The following DOCK9 variants were observed in gnomAD, a reference collection of about 807,000 sequenced individuals.
DOCK9 encodes dedicator of cytokinesis protein 9.
A neutral mutation model predicts 263.3 loss-of-function variants in DOCK9; 89 were observed. The observed-to-expected ratio is 0.34, with a 90% CI of 0.28 to 0.40. DOCK9 has a LOEUF of 0.40. Ranked by LOEUF, DOCK9 falls within the 10% of genes least tolerant of loss-of-function variation. The probability of loss-of-function intolerance (pLI) is 1.00; values close to 1 mark genes in which losing one functional copy is unlikely to be tolerated. For missense variants in DOCK9, 2,140 were observed against 2,603.4 expected, an observed-to-expected ratio of 0.82 and a Z score of 3.87; for synonymous variants, 976 against 973.1, an observed-to-expected ratio of 1.00 and a Z score of -0.06.
intron 1 of DOCK9, among the ~76,000 whole-genome samples, chr13:99,066,539 T>C (rs748548828): frequency 1.3e-5 from 2 of 152,176 alleles, no homozygotes; most frequent in South Asian, 2.1e-4. Context: ...AATATGTTAA[T>C]ATACTATATT....
intron 2 of DOCK9, chr13:98,949,581 C>T: frequency 1.2e-5 from 2 of 166,244 alleles, no homozygotes; most frequent in South Asian, 3.2e-4. Context: ...ACATCACCTA[C>T]TGTCTTTTCT....
At chr13:99,055,753 A>T (rs1293595249) in intron 1 of DOCK9, among the ~76,000 whole-genome samples, 1 of 151,970 alleles carries the variant, frequency 6.6e-6, no homozygotes, top group Admixed American at 6.6e-5. Flanking sequence ...GGTTCCTAAC[A>T]GCTGTGCCTA....
At chr13:98,978,128 GGGA>G (rs1424801538), upstream of DOCK9, 1 of 1,369,986 alleles carries the variant, frequency 7.3e-7, no homozygotes, top group Non-Finnish European at 9.4e-7. Flanking sequence ...CATGCAAAAG[GGGA>G]GGCTCCTACT....
At position 98,805,024 on chromosome 13, in the gene DOCK9, C is replaced by A. The variant is rs1228325292; in HGVS notation, c.5700G>T (p.Gln1900His). 6.2e-7 allele frequency: 1 copy of A among 1,608,840 alleles called. No homozygotes were observed. Among genetic ancestry groups the A allele is most frequent in the Non-Finnish European group, 8.5e-7 (1 of 1,177,734 alleles). Residue 1900 changes from glutamine (Q) to histidine (H), a missense_variant, in exon 49 of 53, where the codon CAG (glutamine) becomes CAT (histidine). By Grantham distance (24) the Gln-to-His change is conservative. Coordinates refer to ENST00000682017, the MANE Select transcript of DOCK9 (RefSeq NM_001366683.2). Reference protein sequence around the residue: ...TGKRQGGVEEQCKRRTILTAI... With the variant: ...TGKRQGGVEEHCKRRTILTAI... Reference sequence around the variant, plus strand: ...CTGTCAGGATGGTGCGCCGTTTGCACTGCTCTTCCACCCCGCCCTGCCTCT... The same window carrying A: ...CTGTCAGGATGGTGCGCCGTTTGCAATGCTCTTCCACCCCGCCCTGCCTCT...
In DOCK9 at chr13:98,951,582, C is replaced by T. The variant is rs978674368; in HGVS notation, c.243+3853G>A. Among the ~76,000 whole-genome samples, 45 of 152,302 alleles carry T rather than the reference C, an allele frequency of 3.0e-4. 1 individual carries two copies. Among genetic ancestry groups the T allele is most frequent in the African/African-American group, 1.0e-3 (43 of 41,560 alleles). ...AGTAGGTCGTGAACAGCCAAGACCA[C>T]ATACTCAAGTGTTTATGTGCACGGT... On this transcript the variant is annotated intron_variant, in intron 2 of 52. Coordinates refer to ENST00000682017, the MANE Select transcript of DOCK9 (RefSeq NM_001366683.2).
chr13:98,885,029 G>A lies in DOCK9; in HGVS notation c.2324C>T (p.Pro775Leu), dbSNP rs548853031. The change falls in exon 21 of 53, where the codon CCG (proline) becomes CTG (leucine). Residue 775 changes from proline to leucine, a missense_variant. By Grantham distance (98) the Pro-to-Leu change is moderately conservative. Around this residue, in one of 2 missense-constraint regions of DOCK9, gnomAD observed 1,521 missense variants for 1,741.7 expected, o/e 0.87. Transcript: ENST00000682017. The stretch of plus-strand genomic sequence containing the variant: ...GCCCGAAGGAAGGTTCGCCGAGACC[G>A]GGATGTGCTGCTCGCTTGTCACCAC... ...GRVVTSEQHI[P>L]VSANLPSGYL... 670 of 1,613,662 alleles carry A rather than the reference G, an allele frequency of 4.2e-4. 9 individuals are homozygous for A. In the South Asian group the frequency reaches 6.6e-3, roughly 16 times the overall value.
At chr13:98,928,695 T>C (rs898005643) in intron 3 of DOCK9, among the ~76,000 whole-genome samples, 2 of 152,258 alleles carry the variant, frequency 1.3e-5, no homozygotes. Flanking sequence ...ATGGTGACAG[T>C]AGCCATAGGC....
At chr13:99,021,107 A>G (rs1233097720) in intron 1 of DOCK9, among the ~76,000 whole-genome samples, 2 of 152,214 alleles carry the variant, frequency 1.3e-5, no homozygotes, top group Non-Finnish European at 2.9e-5. Context: ...ATAACCAATC[A>G]ATATAATCAA....
Position 98,989,343 on chromosome 13 carries a change from GATGATAATA to G in DOCK9, c.130-33801_130-33793del, listed in dbSNP as rs746947990. On this transcript the variant is annotated intron_variant, in intron 1 of 32. Transcript: ENST00000427887. The stretch of plus-strand genomic sequence containing the variant: ...TGATGATGATGATGATGATGATGAT[GATGATAATA>G]ATAATAATAATAATAATAATAATAA... Among the ~76,000 whole-genome samples, 846 of 121,218 alleles carry G rather than the reference GATGATAATA, an allele frequency of 7.0e-3. 4 individuals are homozygous for G. The highest frequency in any genetic ancestry group is 0.011 in the Non-Finnish European group (614 of 56,782). The allele number at this position is 121,218 out of a possible 152,430, so 79.5% of individuals were successfully genotyped here.
chr13:99,052,708 C>T (rs2040752580), intron 1 of DOCK9, among the ~76,000 whole-genome samples: 1 of 151,920 alleles, frequency 6.6e-6, no homozygotes, highest in Non-Finnish European at 1.5e-5. Context: ...TCAAGTGGTC[C>T]TCCTACGTCA....
chr13:99,073,971 T>C (rs1234996977), intron 1 of DOCK9, among the ~76,000 whole-genome samples: 1 of 152,220 alleles, frequency 6.6e-6, no homozygotes, highest in African/African-American at 2.4e-5. Flanking sequence ...TCCTTCACAT[T>C]CCTTTTGCTT....
chr13:98,810,694 A>G (rs968058773), intron 45 of DOCK9, among the ~76,000 whole-genome samples: 1 of 152,186 alleles, frequency 6.6e-6, no homozygotes, highest in African/African-American at 2.4e-5. Flanking sequence ...CTTACTAAGC[A>G]TGATTTTAAC....
At position 98,853,435 on chromosome 13, in the gene DOCK9, G is replaced by A; in HGVS notation, c.3919C>T (p.Leu1307Phe). 1 of 1,612,194 alleles carries A rather than the reference G, an allele frequency of 6.2e-7. No individual in the cohort carries two copies. The highest frequency in any genetic ancestry group is 8.5e-7 in the Non-Finnish European group (1 of 1,179,114). Reference sequence around the variant, plus strand: ...TCAGACATGCTCTTTAAGATGTAGAGGAAACACATCAGTAGGCTCTTAATC... The same window carrying A: ...TCAGACATGCTCTTTAAGATGTAGAAGAAACACATCAGTAGGCTCTTAATC... ...SEIKSLLMCF[L>F]YILKSMSDDA... The change falls in exon 35 of 53, where the codon CTC (leucine) becomes TTC (phenylalanine). Residue 1307 changes from leucine to phenylalanine, a missense_variant. Coordinates refer to ENST00000682017, the MANE Select transcript of DOCK9 (RefSeq NM_001366683.2).
intron 10 of DOCK9, among the ~76,000 whole-genome samples, chr13:98,903,623 A>C (rs1450534405): frequency 4.7e-5 from 1 of 21,340 alleles, no homozygotes; most frequent in Non-Finnish European, 1.3e-4. Flanking sequence ...AAAAAAAGAC[A>C]AAAAAAAAAA....
chr13:99,049,532 T>A (rs1365026757), intron 1 of DOCK9, among the ~76,000 whole-genome samples: 1 of 152,204 alleles, frequency 6.6e-6, no homozygotes, highest in African/African-American at 2.4e-5. Context: ...GAAATTTTTT[T>A]TTTTAAACAG....
intron 1 of DOCK9, among the ~76,000 whole-genome samples, chr13:99,040,326 A>G (rs1423339072): frequency 6.6e-6 from 1 of 152,190 alleles, no homozygotes; most frequent in Admixed American, 6.6e-5. Flanking sequence ...GCATTTTGTT[A>G]CAGCAGCCCA....
chr13:98,907,285 C>T (rs1444695402), intron 9 of DOCK9, among the ~76,000 whole-genome samples: 1 of 152,200 alleles, frequency 6.6e-6, no homozygotes, highest in African/African-American at 2.4e-5. Context: ...CCGCTTGAGC[C>T]CTTCAACAAA....
chr13:98,891,709 G>T (rs548865137), intron 15 of DOCK9, among the ~76,000 whole-genome samples: 10 of 152,230 alleles, frequency 6.6e-5, no homozygotes, highest in African/African-American at 2.4e-4. Context: ...TCTGCTGAGA[G>T]ATTTTACTTC....
chr13:99,071,572 A>C (rs994720045), intron 1 of DOCK9, among the ~76,000 whole-genome samples: 9 of 152,028 alleles, frequency 5.9e-5, no homozygotes, highest in African/African-American at 2.2e-4. Context: ...GAGTAGGCTA[A>C]GGAAGAGGAT....
Sources: gnomAD v4.1 joint callset for allele counts (sites outside exome capture counted in the v4.1 genomes callset) on GRCh38, gnomAD v4.1.1 for gene constraint, gnomAD v4.1.1 regional missense constraint, MANE v1.5 for transcripts, NCBI Gene and HGNC (gene_info 2026-07-23, HGNC 2026-07-21) for gene names.